GUCY1A2: variants seen among roughly 807,000 people sequenced by gnomAD.
GUCY1A2 encodes the protein guanylate cyclase 1 soluble subunit alpha 2, also known as guanylate cyclase soluble subunit alpha-2.
In GUCY1A2, 27 loss-of-function variants were observed where a neutral mutation model predicts 63.5. That is an observed-to-expected ratio of 0.43 (90% CI 0.31 to 0.59). The LOEUF (loss-of-function observed/expected upper bound fraction) is 0.59. Among genes scored for constraint, GUCY1A2 ranks in the 20% least tolerant of loss-of-function variants. The pLI is 0.11. For synonymous variants in GUCY1A2, 364 were observed against 343.5 expected, an observed-to-expected ratio of 1.06 and a Z score of -0.66; for missense variants, 768 against 913.3, an observed-to-expected ratio of 0.84 and a Z score of 2.05.
intron 5 of GUCY1A2, among the ~76,000 whole-genome samples, chr11:106,779,541 G>C (rs998019537): frequency 6.6e-6 from 1 of 152,058 alleles, no homozygotes; most frequent in African/African-American, 2.4e-5. Flanking sequence ...TAAATTGCCT[G>C]CACAAATCAA....
chr11:106,744,334 C>A (rs1182189814), intron 6 of GUCY1A2, among the ~76,000 whole-genome samples: 1 of 151,252 alleles, frequency 6.6e-6, no homozygotes, highest in African/African-American at 2.4e-5. Flanking sequence ...GCAAGCTCCA[C>A]CTCCTGGGTT....
At chr11:106,722,690 G>A (rs1394057236) in intron 6 of GUCY1A2, among the ~76,000 whole-genome samples, 9 of 151,346 alleles carry the variant, frequency 5.9e-5, no homozygotes, top group Admixed American at 5.9e-4. Context: ...TCCCATTCAA[G>A]CAAACAAAAG....
chr11:106,994,393 G>A (rs2120163054), intron 1 of GUCY1A2, among the ~76,000 whole-genome samples: 1 of 152,168 alleles, frequency 6.6e-6, no homozygotes, highest in African/African-American at 2.4e-5. Flanking sequence ...ATACTAATTT[G>A]AGCTGAAAAC....
At chr11:106,880,676 T>C (rs574875668) in intron 4 of GUCY1A2, among the ~76,000 whole-genome samples, 1 of 152,178 alleles carries the variant, frequency 6.6e-6, no homozygotes, top group Admixed American at 6.6e-5. Context: ...GTCAAAAAAT[T>C]TGGGGAAGAG....
Position 106,677,161 on chromosome 11 carries a change from TA to T in GUCY1A2, c.*10387del, listed in dbSNP as rs1236250866. The stretch of plus-strand genomic sequence containing the variant: ...TTATCTTATAAGAGCTAGAAAGAAA[TA>T]AAGCAAAGAGGGAGGGAAGGAAAGG... On this transcript the variant is annotated 3_prime_UTR_variant, in exon 8 of 8. Transcript: ENST00000526355. 1 of 216,910 alleles carries T rather than the reference TA, an allele frequency of 4.6e-6. No homozygotes were observed. Among genetic ancestry groups the T allele is most frequent in the Non-Finnish European group, 9.2e-6 (1 of 108,300 alleles). The allele number at this position is 216,910 out of a possible 1,614,324, so 13.4% of individuals were successfully genotyped here.
At chr11:106,696,538 C>T (rs542546331) in intron 7 of GUCY1A2, among the ~76,000 whole-genome samples, 2 of 151,986 alleles carry the variant, frequency 1.3e-5, no homozygotes, top group Non-Finnish European at 2.9e-5. Flanking sequence ...AAAATTAGTA[C>T]CAAATTAGAT....
chr11:106,962,271 G>A (rs1206804718), intron 3 of GUCY1A2, among the ~76,000 whole-genome samples: 1 of 152,114 alleles, frequency 6.6e-6, no homozygotes, highest in Non-Finnish European at 1.5e-5. Context: ...TGTATATGGG[G>A]CTGGGTGTGG....
At chr11:106,894,965 C>T (rs985647051) in intron 4 of GUCY1A2, among the ~76,000 whole-genome samples, 4 of 152,098 alleles carry the variant, frequency 2.6e-5, no homozygotes, top group Admixed American at 2.0e-4. Context: ...GAAAACAAAA[C>T]GTGGTTCTTT....
chr11:106,903,328 T>C (rs1860160450), intron 4 of GUCY1A2, among the ~76,000 whole-genome samples: 1 of 152,202 alleles, frequency 6.6e-6, no homozygotes, highest in African/African-American at 2.4e-5. Flanking sequence ...ATTGCCTCAC[T>C]ATCTTGATTC....
chr11:106,730,531 G>T (rs1863485516), intron 6 of GUCY1A2, among the ~76,000 whole-genome samples: 1 of 151,972 alleles, frequency 6.6e-6, no homozygotes, highest in Admixed American at 6.6e-5. Flanking sequence ...TGGACATTTA[G>T]GTTGATTCTA....
chr11:106,745,723 T>C (rs1863776096), intron 6 of GUCY1A2, among the ~76,000 whole-genome samples: 2 of 152,214 alleles, frequency 1.3e-5, no homozygotes, highest in Admixed American at 1.3e-4. Flanking sequence ...ATGAACTATA[T>C]TTGCAAATGT....
At chr11:106,942,621 C>T (rs541060820) in intron 3 of GUCY1A2, among the ~76,000 whole-genome samples, 72 of 152,264 alleles carry the variant, frequency 4.7e-4, no homozygotes, top group Middle Eastern at 3.4e-3. Context: ...GGTCCATGTG[C>T]ATTGAAGAGA....
intron 4 of GUCY1A2, among the ~76,000 whole-genome samples, chr11:106,912,009 GAGT>G (rs796598305): frequency 2.0e-5 from 3 of 151,984 alleles, no homozygotes; most frequent in African/African-American, 7.2e-5. Context: ...TAATTAGTCT[GAGT>G]AGAAATCCAA....
Position 106,679,765 on chromosome 11 carries a change from T to C in GUCY1A2, c.*7784A>G, listed in dbSNP as rs1862401855. The C allele has an allele frequency of 4.6e-6, 1 of 218,008 alleles. No individual in the cohort carries two copies. The highest frequency in any genetic ancestry group is 9.2e-6 in the Non-Finnish European group (1 of 108,518). 13.5% of individuals were successfully genotyped at this position (218,008 alleles called of 1,614,324 possible). A position where few individuals can be genotyped will look rare whatever the true frequency, so the allele number is the denominator to read the frequency against. ...CAGAGCTGGTATTGGGCCTTCTTTG[T>C]TCCTTCAACCCAGATGTTCTGACAC... On this transcript the variant is annotated 3_prime_UTR_variant, in exon 8 of 8. Coordinates refer to ENST00000526355, the MANE Select transcript of GUCY1A2 (RefSeq NM_000855.3).
chr11:106,954,323 GA>G (rs1271106701), intron 3 of GUCY1A2, among the ~76,000 whole-genome samples: 1 of 152,162 alleles, frequency 6.6e-6, no homozygotes, highest in African/African-American at 2.4e-5. Context: ...GTGTCGTTTT[GA>G]GTGAGTTTCT....
intron 5 of GUCY1A2, among the ~76,000 whole-genome samples, chr11:106,776,823 C>A (rs932967138): frequency 6.6e-5 from 10 of 152,140 alleles, no homozygotes; most frequent in African/African-American, 2.4e-4. Context: ...AAATTAGGAA[C>A]AACTATAATA....
Position 106,677,104 on chromosome 11 carries a change from C to T in GUCY1A2, c.*10445G>A, listed in dbSNP as rs894860045. On this transcript the variant is annotated 3_prime_UTR_variant, in exon 8 of 8. Coordinates refer to ENST00000526355, the MANE Select transcript of GUCY1A2 (RefSeq NM_000855.3). ...ATCATGTGAAAGTGAAAAAGGGAGG[C>T]TCCAGCCCAAATAGTAAAGTACTAT... 4 of 214,664 alleles carry T rather than the reference C, an allele frequency of 1.9e-5. No individual in the cohort carries two copies. The highest frequency in any genetic ancestry group is 9.1e-5 in the African/African-American group (4 of 44,194). 13.3% of individuals were successfully genotyped at this position (214,664 alleles called of 1,614,324 possible). A position where few individuals can be genotyped will look rare whatever the true frequency, so the allele number is the denominator to read the frequency against.
intron 4 of GUCY1A2, among the ~76,000 whole-genome samples, chr11:106,908,658 TAAA>T (rs1178533251): frequency 2.6e-5 from 4 of 151,920 alleles, no homozygotes; most frequent in Non-Finnish European, 5.9e-5. Context: ...AACTCTTAAA[TAAA>T]AAAGTGAATA....
At chr11:106,690,499 C>A (rs1862604464) in intron 7 of GUCY1A2, among the ~76,000 whole-genome samples, 1 of 152,050 alleles carries the variant, frequency 6.6e-6, no homozygotes, top group Admixed American at 6.5e-5. Context: ...TAGAGGAGAA[C>A]AACACACATT....
Sources: gnomAD v4.1 joint callset for allele counts (sites outside exome capture counted in the v4.1 genomes callset) on GRCh38, gnomAD v4.1.1 for gene constraint, MANE v1.5 for transcripts, NCBI Gene and HGNC (gene_info 2026-07-23, HGNC 2026-07-21) for gene names.